The following HECW1 variants were observed in gnomAD, a reference collection of about 807,000 sequenced individuals.
The protein encoded by HECW1 is HECT, C2 and WW domain containing E3 ubiquitin protein ligase 1.
In HECW1, 61 loss-of-function variants were observed where a neutral mutation model predicts 182.3. The ratio of observed to expected loss-of-function variants is 0.33; its 90% CI spans 0.27 to 0.41. HECW1 has a LOEUF of 0.41. Ranked by LOEUF, HECW1 falls within the 10% of genes least tolerant of loss-of-function variation. HECW1 has a pLI of 1.00. For synonymous variants in HECW1, 859 were observed against 832.6 expected, an observed-to-expected ratio of 1.03 and a Z score of -0.55; for missense variants, 1,739 against 2,108.9, an observed-to-expected ratio of 0.82 and a Z score of 3.44.
At chr7:43,185,676 CT>C (rs1214365083) in intron 2 of HECW1, among the ~76,000 whole-genome samples, 1 of 152,056 alleles carries the variant, frequency 6.6e-6, no homozygotes, top group African/African-American at 2.4e-5. Context: ...AGCATTTTGG[CT>C]TGGTTTTTTT....
rs183092100 is a variant in HECW1, at chr7:43,435,757, G to A, written c.802-2246G>A. ...ATACAACTTGAAGCCCCTGAGACTT[G>A]GAAGTTGGCTGTTAGTGCAGCATGC... On this transcript the variant is annotated intron_variant, in intron 8 of 29. Transcript: ENST00000395891. Among the ~76,000 whole-genome samples the A allele has an allele frequency of 1.3e-3, 204 of 152,314 alleles. 2 individuals carry two copies. In the Middle Eastern group the frequency reaches 0.02, roughly 15 times the overall value.
At chr7:43,363,050 T>G (rs1816167104) in intron 6 of HECW1, among the ~76,000 whole-genome samples, 1 of 152,252 alleles carries the variant, frequency 6.6e-6, no homozygotes, top group Non-Finnish European at 1.5e-5. Flanking sequence ...CTAGAGCATT[T>G]GTCGTCTCTG....
At chr7:43,529,122 T>C (rs1216851884) in intron 24 of HECW1, among the ~76,000 whole-genome samples, 3 of 152,112 alleles carry the variant, frequency 2.0e-5, no homozygotes, top group Non-Finnish European at 2.9e-5. Context: ...CACCCAGAAC[T>C]GTGCCATGTC....
intron 6 of HECW1, among the ~76,000 whole-genome samples, chr7:43,381,283 A>G (rs1402614545): frequency 6.6e-6 from 1 of 152,038 alleles, no homozygotes; most frequent in East Asian, 1.9e-4. Context: ...GCATTTTAGA[A>G]TCTTGGTGCT....
intron 19 of HECW1, among the ~76,000 whole-genome samples, chr7:43,499,500 CAAAAG>C (rs2079253570): frequency 4.2e-5 from 6 of 143,678 alleles, no homozygotes; most frequent in Non-Finnish European, 3.1e-5. Context: ...AGAAAGAAAA[CAAAAG>C]AAAAGAAAAT....
At chr7:43,273,906 C>T (rs866535914) in intron 3 of HECW1, among the ~76,000 whole-genome samples, 2 of 149,918 alleles carry the variant, frequency 1.3e-5, no homozygotes, top group African/African-American at 2.5e-5. Context: ...AGCTGGAGTG[C>T]GGTGGCACAA....
chr7:43,114,301 C>T lies in HECW1; in HGVS notation c.-122C>T, dbSNP rs1162598208. On this transcript the variant is annotated 5_prime_UTR_variant, in exon 2 of 30. Coordinates refer to ENST00000395891, the MANE Select transcript of HECW1 (RefSeq NM_015052.5). ...ACCCGAAAAGGCCAACCGTTAAAGA[C>T]CCCGGCAGTGTTGTGGTCCAAGGCG... The T allele has an allele frequency of 1.4e-5, 19 of 1,363,340 alleles. No individual in the cohort carries two copies. Among genetic ancestry groups the T allele is most frequent in the South Asian group, 2.4e-5 (2 of 81,656 alleles). 84.5% of individuals were successfully genotyped at this position (1,363,340 alleles called of 1,614,324 possible).
At chr7:43,271,938 A>C (rs760230882) in intron 3 of HECW1, among the ~76,000 whole-genome samples, 11 of 152,074 alleles carry the variant, frequency 7.2e-5, no homozygotes, top group Non-Finnish European at 1.3e-4. Context: ...ACATTACCTG[A>C]CTTCAAACTG....
In HECW1 at chr7:43,466,439, T is replaced by C; in HGVS notation, c.2792-8T>C. The C allele has an allele frequency of 1.2e-6, 2 of 1,613,066 alleles. No individual in the cohort carries two copies. The highest frequency in any genetic ancestry group is 1.7e-6 in the Non-Finnish European group (2 of 1,179,390). The stretch of plus-strand genomic sequence containing the variant: ...TGCATTCTGTTGCTTTGCTTCACTT[T>C]TTTTCAGATCTAAGGAGAGAAGGGT... On this transcript the variant is annotated splice_polypyrimidine_tract_variant and splice_region_variant and intron_variant, in intron 14 of 29. Coordinates refer to ENST00000395891, the MANE Select transcript of HECW1 (RefSeq NM_015052.5).
At chr7:43,470,212 G>A (rs2077962755) in intron 16 of HECW1, among the ~76,000 whole-genome samples, 1 of 152,130 alleles carries the variant, frequency 6.6e-6, no homozygotes, top group African/African-American at 2.4e-5. Context: ...ATTTGTATGT[G>A]GGGACTTGGT....
rs894325900 is a variant in HECW1, at chr7:43,361,759, T to A, written c.555+779T>A. Among the ~76,000 whole-genome samples, 2 of 149,722 alleles carry A rather than the reference T, an allele frequency of 1.3e-5. 1 individual carries two copies. Among genetic ancestry groups the A allele is most frequent in the South Asian group, 4.3e-4 (2 of 4,696 alleles). ...ATTTTAAATGACCAACTGGGGAGGC[T>A]GGACAGAAACCAGTGGAGGACTTTG... On this transcript the variant is annotated intron_variant, in intron 6 of 29. Transcript: ENST00000395891.
intron 13 of HECW1, among the ~76,000 whole-genome samples, chr7:43,456,899 A>G (rs1001804631): frequency 2.0e-5 from 3 of 152,228 alleles, no homozygotes; most frequent in Non-Finnish European, 2.9e-5. Context: ...GATAGGTTCC[A>G]TAAGAAAACT....
chr7:43,254,419 A>T (rs1017511722), intron 3 of HECW1, among the ~76,000 whole-genome samples: 2 of 152,262 alleles, frequency 1.3e-5, no homozygotes, highest in African/African-American at 4.8e-5. Flanking sequence ...TCAGGTAATT[A>T]ATTTTATGAA....
At chr7:43,259,815 A>G (rs1000916183) in intron 3 of HECW1, among the ~76,000 whole-genome samples, 2 of 152,218 alleles carry the variant, frequency 1.3e-5, no homozygotes, top group African/African-American at 4.8e-5. Flanking sequence ...CCCATCATCA[A>G]TCAGTGACCT....
intron 6 of HECW1, among the ~76,000 whole-genome samples, chr7:43,383,699 G>A (rs1218952034): frequency 6.6e-6 from 1 of 152,126 alleles, no homozygotes; most frequent in Non-Finnish European, 1.5e-5. Context: ...AGAAAATGCA[G>A]TTGGCCCTTG....
At chr7:43,248,467 A>G (rs950147357) in intron 3 of HECW1, 2 of 152,282 alleles carry the variant, frequency 1.3e-5, no homozygotes, top group African/African-American at 4.8e-5. Flanking sequence ...GTGTAGAACC[A>G]CAGCCAGCTT....
At chr7:43,174,806 A>G (rs1792049617) in intron 2 of HECW1, among the ~76,000 whole-genome samples, 1 of 152,098 alleles carries the variant, frequency 6.6e-6, no homozygotes, top group South Asian at 2.1e-4. Context: ...TTCCTTTACC[A>G]CGTGTGGATA....
chr7:43,353,795 G>C (rs1186246647), intron 5 of HECW1, among the ~76,000 whole-genome samples: 1 of 152,106 alleles, frequency 6.6e-6, no homozygotes, highest in South Asian at 2.1e-4. Flanking sequence ...AGAAGCATTG[G>C]GAGTGCCTGA....
At chr7:43,168,790 A>T (rs916223946) in intron 2 of HECW1, among the ~76,000 whole-genome samples, 1 of 152,238 alleles carries the variant, frequency 6.6e-6, no homozygotes, top group Non-Finnish European at 1.5e-5. Context: ...GTCAATAAGT[A>T]TACGCAAGGA....
Sources: allele counts gnomAD v4.1 joint callset (sites outside exome capture counted in the v4.1 genomes callset), GRCh38; gene constraint gnomAD v4.1.1; transcripts MANE v1.5; gene names NCBI Gene and HGNC (gene_info 2026-07-23, HGNC 2026-07-21).